RBFOX1: variants seen among roughly 807,000 people sequenced by gnomAD.
RBFOX1 encodes the protein RNA binding fox-1 homolog 1.
A neutral mutation model predicts 57.7 loss-of-function variants in RBFOX1; 8 were observed. The observed-to-expected ratio is 0.14, with a 90% CI of 0.08 to 0.25. The LOEUF (loss-of-function observed/expected upper bound fraction) is 0.25. Ranked by LOEUF, RBFOX1 falls within the 10% of genes least tolerant of loss-of-function variation. The pLI, the probability that RBFOX1 is intolerant of heterozygous loss-of-function variation, is 1.00. For missense variants in RBFOX1, 611 were observed against 548.5 expected (o/e 1.11, Z -1.14); for synonymous variants, 326 against 222.4 (o/e 1.47, Z -4.15).
intron 3 of RBFOX1, among the ~76,000 whole-genome samples, chr16:5,709,656 G>A (rs1168953197): frequency 6.7e-6 from 1 of 149,650 alleles, no homozygotes; most frequent in Non-Finnish European, 1.5e-5. Context: ...TTCTTACATA[G>A]GATAATATTG....
chr16:7,199,642 C>G (rs563751882), intron 4 of RBFOX1, among the ~76,000 whole-genome samples: 16 of 152,122 alleles, frequency 1.1e-4, no homozygotes, highest in Non-Finnish European at 2.2e-4. Flanking sequence ...GCCTGTAATC[C>G]CAGCACTTTG....
At chr16:6,367,813 A>T (rs543749079) in intron 2 of RBFOX1, among the ~76,000 whole-genome samples, 150 of 152,146 alleles carry the variant, frequency 9.9e-4, no homozygotes, top group African/African-American at 3.4e-3. Flanking sequence ...TCAAAGAGTC[A>T]GAAAGACTCT....
In RBFOX1 at chr16:7,351,839, T is replaced by C. The variant is rs973899670; in HGVS notation, c.28-166308T>C. On this transcript the variant is annotated intron_variant, in intron 4 of 15. Coordinates refer to ENST00000550418, the MANE Select transcript of RBFOX1 (RefSeq NM_018723.4). ...GAAACACACATTCTGCCTCTCAATC[T>C]TCAGGCCCAGGCAGGAAATTTTCAG... is the stretch of plus-strand genomic sequence containing the variant. Among the ~76,000 whole-genome samples, 8 of 152,158 alleles carry C rather than the reference T, an allele frequency of 5.3e-5. No individual in the cohort carries two copies. In the South Asian group the frequency reaches 1.2e-3, roughly 24 times the overall value.
chr16:5,774,776 G>A (rs942909162), intron 3 of RBFOX1, among the ~76,000 whole-genome samples: 3 of 152,074 alleles, frequency 2.0e-5, no homozygotes, highest in Non-Finnish European at 2.9e-5. Context: ...TCCACCTCCC[G>A]AGTTCAAGCA....
intron 3 of RBFOX1, among the ~76,000 whole-genome samples, chr16:5,783,682 G>T (rs528332248): frequency 2.6e-4 from 39 of 152,234 alleles, no homozygotes; most frequent in South Asian, 2.3e-3. Flanking sequence ...TTGTTTCCAT[G>T]GAATGACTTT....
chr16:5,787,881 T>G (rs1359527506), intron 3 of RBFOX1, among the ~76,000 whole-genome samples: 1 of 152,222 alleles, frequency 6.6e-6, no homozygotes, highest in East Asian at 1.9e-4. Context: ...CCAAGTCAAC[T>G]AAGGAACTTA....
At chr16:6,766,124 T>C (rs1347694215) in intron 3 of RBFOX1, among the ~76,000 whole-genome samples, 3 of 151,976 alleles carry the variant, frequency 2.0e-5, no homozygotes, top group Non-Finnish European at 2.9e-5. Context: ...CCTAAAGCTA[T>C]TGAAATTTTT....
chr16:7,525,046 C>A (rs533644863), intron 5 of RBFOX1, among the ~76,000 whole-genome samples: 2 of 152,236 alleles, frequency 1.3e-5, no homozygotes, highest in African/African-American at 4.8e-5. Context: ...AAATGAGTTA[C>A]TAATACCTTA....
chr16:7,106,392 A>G (rs533402829), intron 4 of RBFOX1, among the ~76,000 whole-genome samples: 6 of 152,266 alleles, frequency 3.9e-5, no homozygotes, highest in African/African-American at 1.4e-4. Context: ...AAAATATTTT[A>G]CAGCTCTTTA....
chr16:5,866,300 A>G (rs2057342122), intron 3 of RBFOX1, among the ~76,000 whole-genome samples: 1 of 152,224 alleles, frequency 6.6e-6, no homozygotes, highest in African/African-American at 2.4e-5. Flanking sequence ...CACTAATCCC[A>G]TCATGAGGGC....
intron 4 of RBFOX1, among the ~76,000 whole-genome samples, chr16:7,205,003 C>G (rs147744603): frequency 6.6e-6 from 1 of 152,176 alleles, no homozygotes; most frequent in African/African-American, 2.4e-5. Flanking sequence ...ATCCTACACT[C>G]TCTTTTCCAT....
chr16:7,585,604 T>C (rs2094067823), intron 6 of RBFOX1, among the ~76,000 whole-genome samples: 1 of 152,250 alleles, frequency 6.6e-6, no homozygotes, highest in Non-Finnish European at 1.5e-5. Flanking sequence ...CGGGCACATT[T>C]CTATGGCACA....
At chr16:5,497,450 C>T (rs1464638640) in intron 2 of RBFOX1, among the ~76,000 whole-genome samples, 1 of 151,824 alleles carries the variant, frequency 6.6e-6, no homozygotes, top group Non-Finnish European at 1.5e-5. Flanking sequence ...CCCAGAGAGA[C>T]AAGAAAGAAG....
intron 1 of RBFOX1, among the ~76,000 whole-genome samples, chr16:6,263,832 C>G (rs2152645348): frequency 6.6e-6 from 1 of 152,294 alleles, no homozygotes; most frequent in Non-Finnish European, 1.5e-5. Flanking sequence ...GCTTCCATCC[C>G]AAAATGCCAT....
At chr16:6,530,562 C>G (rs894396797) in intron 2 of RBFOX1, among the ~76,000 whole-genome samples, 3 of 152,078 alleles carry the variant, frequency 2.0e-5, no homozygotes, top group East Asian at 1.9e-4. Flanking sequence ...TCTATTTTCA[C>G]GCTGCTGATA....
At chr16:5,316,853 C>T (rs150685947) in intron 1 of RBFOX1, among the ~76,000 whole-genome samples, 411 of 152,264 alleles carry the variant, frequency 2.7e-3, no homozygotes, top group African/African-American at 5.8e-3. Context: ...GCAGGTGAGC[C>T]GGTGCACTGA....
intron 1 of RBFOX1, among the ~76,000 whole-genome samples, chr16:6,197,112 G>A (rs900376491): frequency 2.0e-5 from 3 of 152,078 alleles, no homozygotes; most frequent in Non-Finnish European, 4.4e-5. Context: ...GCTTTATATT[G>A]GGAGGTTCTG....
intron 4 of RBFOX1, among the ~76,000 whole-genome samples, chr16:5,929,347 C>T (rs1365236602): frequency 6.6e-6 from 1 of 151,992 alleles, no homozygotes; most frequent in Non-Finnish European, 1.5e-5. Context: ...TTTCTCTGCC[C>T]ACCACCCCCA....
Position 6,968,612 on chromosome 16 carries a change from C to T in RBFOX1, c.-15-83445C>T, listed in dbSNP as rs78091774. Among the ~76,000 whole-genome samples, 198 of 151,508 alleles carry T rather than the reference C, an allele frequency of 1.3e-3. 5 individuals carry two copies. In the East Asian group the frequency reaches 0.033, roughly 25 times the overall value. On this transcript the variant is annotated intron_variant, in intron 3 of 15. Transcript: ENST00000550418. ...AGATGATGGATTCCTCCCATCCTGTCAGTTTCAGTTTGCATTTACACAACG... is the reference window on the plus strand; with the variant it reads ...AGATGATGGATTCCTCCCATCCTGTTAGTTTCAGTTTGCATTTACACAACG...
Sources: allele counts gnomAD v4.1 joint callset (sites outside exome capture counted in the v4.1 genomes callset), GRCh38; gene constraint gnomAD v4.1.1; transcripts MANE v1.5; gene names NCBI Gene and HGNC (gene_info 2026-07-23, HGNC 2026-07-21).